Variants in GPHN observed in about 807,000 individuals in gnomAD.
The protein encoded by GPHN is gephyrin.
In GPHN, 17 loss-of-function variants were observed where a neutral mutation model predicts 95.5. The observed-to-expected ratio is 0.18, with a 90% confidence interval of 0.12 to 0.27. The LOEUF (loss-of-function observed/expected upper bound fraction) is 0.27. GPHN is among the 10% of genes least tolerant of loss of function. The pLI, the probability that GPHN is intolerant of heterozygous loss-of-function variation, is 1.00. For missense variants in GPHN, 660 were observed against 978.1 expected (o/e 0.67, Z 4.34); for synonymous variants, 320 against 322.5 (o/e 0.99, Z 0.08).
the GPHN span, chr14:67,360,553 C>G: frequency 1.3e-5 from 3 of 224,520 alleles, no homozygotes; most frequent in African/African-American, 6.8e-5. Context: ...GCTAATACCT[C>G]CCTTTCCCGT....
the GPHN span, among the ~76,000 whole-genome samples, chr14:67,366,384 T>A: frequency 6.6e-6 from 1 of 152,210 alleles, no homozygotes; most frequent in Non-Finnish European, 1.5e-5. Flanking sequence ...CTTTTTCTAT[T>A]GTATAAAATA....
At chr14:67,545,140 C>G in the GPHN span, among the ~76,000 whole-genome samples, 6 of 152,176 alleles carry the variant, frequency 3.9e-5, no homozygotes, top group African/African-American at 1.4e-4. Context: ...GTGATGGTCT[C>G]TGGATATTTG....
chr14:67,489,122 A>T, the GPHN span, among the ~76,000 whole-genome samples: 5 of 152,294 alleles, frequency 3.3e-5, no homozygotes, highest in South Asian at 1.0e-3. Context: ...CAACTAACAT[A>T]TGGATGGAAC....
chr14:67,577,360 C>T, the GPHN span: 1 of 1,591,112 alleles, frequency 6.3e-7, no homozygotes, highest in Non-Finnish European at 8.6e-7. Flanking sequence ...TATACGCCTC[C>T]CTCACCACCC....
intron 1 of GPHN, among the ~76,000 whole-genome samples, chr14:66,599,391 C>CTTTTTTTT (rs1566679513): frequency 2.7e-5 from 2 of 74,042 alleles, no homozygotes; most frequent in African/African-American, 1.6e-4. Flanking sequence ...TTTTTTTTTG[C>CTTTTTTTT]ATTTTTTTTT....
chr14:66,785,784 G>T (rs1199564218), intron 3 of GPHN, among the ~76,000 whole-genome samples: 1 of 147,262 alleles, frequency 6.8e-6, no homozygotes, highest in Admixed American at 6.8e-5. Flanking sequence ...CATGCCAGAG[G>T]AAATTAAAAG....
chr14:66,863,367 T>A (rs536262078), intron 4 of GPHN, among the ~76,000 whole-genome samples: 12 of 152,058 alleles, frequency 7.9e-5, no homozygotes, highest in Admixed American at 7.9e-4. Context: ...GTTGGAAAAA[T>A]TAATATTGTT....
the GPHN span, among the ~76,000 whole-genome samples, chr14:67,625,633 T>TTGTGCCATTGCAGTCCAGCC: frequency 1.3e-4 from 19 of 145,848 alleles, no homozygotes; most frequent in Non-Finnish European, 2.5e-4. Context: ...TGAGCCGAGA[T>TTGTGCCATTGCAGTCCAGCC]TGTGCCATTG....
intron 3 of GPHN, among the ~76,000 whole-genome samples, chr14:66,801,840 T>C (rs1288455576): frequency 2.0e-5 from 3 of 151,328 alleles, no homozygotes; most frequent in Admixed American, 6.6e-5. Context: ...CTCCTTGAGC[T>C]ACCTGGAGCT....
intron 5 of GPHN, among the ~76,000 whole-genome samples, chr14:66,901,919 A>T (rs1321570744): frequency 6.6e-6 from 1 of 151,984 alleles, no homozygotes. Context: ...GGAAAATGTC[A>T]TTGATATTTT....
chr14:67,090,177 T>C (rs529207245), intron 12 of GPHN, among the ~76,000 whole-genome samples: 2 of 152,264 alleles, frequency 1.3e-5, no homozygotes, highest in East Asian at 3.9e-4. Context: ...CTGTTAAGCA[T>C]GCCAATTCCT....
the GPHN span, among the ~76,000 whole-genome samples, chr14:67,443,012 G>A: frequency 6.6e-6 from 1 of 152,204 alleles, no homozygotes; most frequent in Non-Finnish European, 1.5e-5. Context: ...TTGAGCCCAA[G>A]GGCTCAAGAC....
chr14:67,723,157 C>T, the GPHN span, among the ~76,000 whole-genome samples: 2 of 152,160 alleles, frequency 1.3e-5, no homozygotes, highest in Admixed American at 1.3e-4. Context: ...TTGAGACTAC[C>T]CTCAATTAAT....
At chr14:66,766,354 A>G (rs960129449) in intron 2 of GPHN, among the ~76,000 whole-genome samples, 3 of 152,170 alleles carry the variant, frequency 2.0e-5, no homozygotes, top group Non-Finnish European at 4.4e-5. Context: ...GCCTTGGTAA[A>G]CTTAGTTGGA....
At chr14:66,963,669 T>A (rs907812173) in intron 8 of GPHN, among the ~76,000 whole-genome samples, 4 of 152,132 alleles carry the variant, frequency 2.6e-5, no homozygotes, top group African/African-American at 9.6e-5. Context: ...TTTATGACAA[T>A]TCAGTACTCA....
At chr14:66,734,862 T>A (rs1485573760) in intron 2 of GPHN, among the ~76,000 whole-genome samples, 4 of 152,198 alleles carry the variant, frequency 2.6e-5, no homozygotes, top group African/African-American at 9.6e-5. Context: ...AAGTAAAGGA[T>A]AAGGACTCAT....
chr14:66,780,620 T>C (rs1311226163), intron 3 of GPHN, among the ~76,000 whole-genome samples: 2 of 152,116 alleles, frequency 1.3e-5, no homozygotes, highest in South Asian at 2.1e-4. Flanking sequence ...ATGGATGATA[T>C]GTAACATAAT....
intron 21 of GPHN, among the ~76,000 whole-genome samples, chr14:67,173,714 A>T (rs948503911): frequency 1.3e-5 from 2 of 152,254 alleles, no homozygotes; most frequent in African/African-American, 4.8e-5. Flanking sequence ...CCAAATGAAA[A>T]GAAAATCAAT....
chr14:66,783,316 C>A (rs1305949132), intron 3 of GPHN, among the ~76,000 whole-genome samples: 1 of 152,128 alleles, frequency 6.6e-6, no homozygotes, highest in Non-Finnish European at 1.5e-5. Flanking sequence ...ATTCTTCCAT[C>A]TTTCACCTGG....
Sources: allele counts gnomAD v4.1 joint callset (sites outside exome capture counted in the v4.1 genomes callset), GRCh38; gene constraint gnomAD v4.1.1; transcripts MANE v1.5; gene names NCBI Gene and HGNC (gene_info 2026-07-23, HGNC 2026-07-21).